The following NR2C1 variants were observed in gnomAD, a reference collection of about 807,000 sequenced individuals.
The protein encoded by NR2C1 is TR2 nuclear hormone receptor.
A neutral mutation model predicts 74.8 loss-of-function variants in NR2C1; 33 were observed. The ratio of observed to expected loss-of-function variants is 0.44; its 90% CI spans 0.33 to 0.59. The LOEUF (loss-of-function observed/expected upper bound fraction) is 0.59, where lower values mean the gene tolerates loss of function less well. Ranked by LOEUF, NR2C1 falls within the 20% of genes least tolerant of loss-of-function variation. NR2C1 has a pLI of 0.02. For missense variants in NR2C1, 568 were observed against 715.6 expected, an observed-to-expected ratio of 0.79 and a Z score of 2.35; for synonymous variants, 225 against 240.6, an observed-to-expected ratio of 0.94 and a Z score of 0.60.
chr12:95,064,982 A>G (rs1296766057), intron 2 of NR2C1, among the ~76,000 whole-genome samples: 1 of 152,234 alleles, frequency 6.6e-6, no homozygotes, highest in Non-Finnish European at 1.5e-5. Flanking sequence ...AGAGAAGAGC[A>G]TTTGGCGCAT....
intron 3 of NR2C1, among the ~76,000 whole-genome samples, 167 bp downstream of exon 3, chr12:95,062,341 A>C (rs573112888): frequency 8.5e-5 from 13 of 152,360 alleles, no homozygotes; most frequent in African/African-American, 3.1e-4. Flanking sequence ...AGGAAAGTAC[A>C]GTGGCCCATA....
chr12:95,023,682 T>G (rs1363918053), intron 13 of NR2C1, among the ~76,000 whole-genome samples: 1 of 152,138 alleles, frequency 6.6e-6, no homozygotes, highest in East Asian at 1.9e-4. Flanking sequence ...GGTAGTGAGG[T>G]TTCTTAGGGT....
chr12:95,053,816 TGGG>T (rs1873418104), intron 7 of NR2C1, among the ~76,000 whole-genome samples: 1 of 151,710 alleles, frequency 6.6e-6, no homozygotes, highest in East Asian at 2.0e-4. Flanking sequence ...CCTGAGGAGC[TGGG>T]ACTACAGGCG....
intron 5 of NR2C1, 52 bp from the exon 6 acceptor site, chr12:95,057,930 TA>T: frequency 6.6e-7 from 1 of 1,505,250 alleles, no homozygotes. Flanking sequence ...TACAGACAAT[TA>T]GAAATGTAAG....
intron 10 of NR2C1, among the ~76,000 whole-genome samples, chr12:95,032,224 G>T (rs186500150): frequency 6.6e-6 from 1 of 152,310 alleles, no homozygotes; most frequent in East Asian, 1.9e-4. Context: ...ATGGTTCATT[G>T]TATGTTTCAG....
In NR2C1 at chr12:95,049,140, G is replaced by C; in HGVS notation, c.1059C>G (p.Ile353Met). ...VAGMEGSVHLITGDSSINYTE... is the reference protein window; with the variant it reads ...VAGMEGSVHLMTGDSSINYTE... ...TGTAATTTATGCTTGAATCTCCAGT[G>C]ATTAGGTGTACACTTCCTTCCATGC... Residue 353 changes from isoleucine (I) to methionine (M), a missense_variant, in exon 9 of 14, where the codon ATC (isoleucine) becomes ATG (methionine). Physicochemically the swap from Ile to Met is conservative, Grantham distance 10 (BLOSUM62 1). Coordinates refer to ENST00000333003, the MANE Select transcript of NR2C1 (RefSeq NM_003297.4). 1 of 1,613,946 alleles carries C rather than the reference G, an allele frequency of 6.2e-7. No individual in the cohort carries two copies. The highest frequency in any genetic ancestry group is 1.1e-5 in the South Asian group (1 of 91,076).
intron 10 of NR2C1, among the ~76,000 whole-genome samples, chr12:95,035,057 A>G (rs1204744276): frequency 6.6e-6 from 1 of 152,230 alleles, no homozygotes; most frequent in Non-Finnish European, 1.5e-5. Flanking sequence ...TCTACTAATA[A>G]GGAATGAATA....
chr12:95,026,184 G>A (rs1306380427), intron 12 of NR2C1, among the ~76,000 whole-genome samples: 1 of 150,394 alleles, frequency 6.6e-6, no homozygotes, highest in Non-Finnish European at 1.5e-5. Flanking sequence ...TCCAGCCTGG[G>A]CAACAGAGTG....
chr12:95,067,466 TATG>T lies in NR2C1; in HGVS notation c.-7-78_-7-76del, dbSNP rs200022993. ...ATTAAATAATTTACAAATAAAACTATATGATATTTAAGATTTGCTTCAAAATAA... is the reference window on the plus strand; with the variant it reads ...ATTAAATAATTTACAAATAAAACTATATATTTAAGATTTGCTTCAAAATAA... On this transcript the variant is annotated intron_variant, in intron 1 of 13. Transcript: ENST00000333003. The T allele has an allele frequency of 4.5e-4, 500 of 1,123,188 alleles. 2 individuals carry two copies. In the East Asian group the frequency reaches 0.012, roughly 28 times the overall value. The allele number at this position is 1,123,188 out of a possible 1,614,324, so 69.6% of individuals were successfully genotyped here. A position where few individuals can be genotyped will look rare whatever the true frequency, so the allele number is the denominator to read the frequency against.
At chr12:95,052,857 TTAAA>T (rs1337678070) in intron 7 of NR2C1, among the ~76,000 whole-genome samples, 2 of 152,230 alleles carry the variant, frequency 1.3e-5, no homozygotes, top group Non-Finnish European at 2.9e-5. Context: ...ATTGTGTTAA[TTAAA>T]TGTGTTAAAA....
intron 1 of NR2C1, among the ~76,000 whole-genome samples, chr12:95,070,711 A>G (rs899838138): frequency 6.6e-6 from 1 of 152,144 alleles, no homozygotes; most frequent in African/African-American, 2.4e-5. Flanking sequence ...GTATTCATTC[A>G]ATATTTATTA....
intron 1 of NR2C1, among the ~76,000 whole-genome samples, chr12:95,068,465 C>G (rs1358153802): frequency 6.6e-6 from 1 of 152,078 alleles, no homozygotes; most frequent in African/African-American, 2.4e-5. Context: ...TCTAGGTAGG[C>G]AAATAAAACT....
chr12:95,059,028 G>A (rs1049246814), intron 4 of NR2C1, among the ~76,000 whole-genome samples: 3 of 152,114 alleles, frequency 2.0e-5, no homozygotes, highest in African/African-American at 2.4e-5. Context: ...ACAGCTGGGC[G>A]TGGTAACTCA....
intron 11 of NR2C1, chr12:95,030,640 T>G: frequency 6.2e-7 from 1 of 1,611,876 alleles, no homozygotes; most frequent in South Asian, 1.1e-5. Flanking sequence ...CTGTTAAACA[T>G]AAGGAGGAAG....
Position 95,040,568 on chromosome 12 carries a change from G to A in NR2C1, c.1161C>T (p.Tyr387=), listed in dbSNP as rs1871397966. ...ACTCCCCAATGTAGTGCACATTCAGGTACTCAGGCATAGGAGAAGGCATGG... is the reference window on the plus strand; with the variant it reads ...ACTCCCCAATGTAGTGCACATTCAGATACTCAGGCATAGGAGAAGGCATGG... ...RLTMPSPMPE[Y]LNVHYIGESA... The change falls in exon 10 of 14, where the codon TAC becomes TAT. Residue 387 remains tyrosine, a synonymous_variant. Transcript: ENST00000333003. 1 of 1,613,370 alleles carries A rather than the reference G, an allele frequency of 6.2e-7. No individual in the cohort carries two copies. Among genetic ancestry groups the A allele is most frequent in the Non-Finnish European group, 8.5e-7 (1 of 1,179,486 alleles).
chr12:95,056,495 T>C (rs773199056), intron 7 of NR2C1, among the ~76,000 whole-genome samples: 3 of 152,248 alleles, frequency 2.0e-5, no homozygotes, highest in Admixed American at 1.3e-4. Flanking sequence ...CTTGGATACA[T>C]AAAAGGAGAG....
At chr12:95,028,578 C>G (rs1313359741) in intron 11 of NR2C1, 54 bp from the exon 12 acceptor site, 1 of 1,225,414 alleles carries the variant, frequency 8.2e-7, no homozygotes, top group East Asian at 2.3e-5. Context: ...TGAACAACTA[C>G]TTTCATCCAA....
At chr12:95,032,056 C>T (rs1406465867) in intron 10 of NR2C1, among the ~76,000 whole-genome samples, 2 of 152,120 alleles carry the variant, frequency 1.3e-5, no homozygotes, top group Non-Finnish European at 2.9e-5. Context: ...TTAGTAGAGA[C>T]AAGGTTTTGC....
At position 95,049,935 on chromosome 12, in the gene NR2C1, G is replaced by T. The variant is rs79232996; in HGVS notation, c.966-702C>A. Among the ~76,000 whole-genome samples, 689 of 152,186 alleles carry T rather than the reference G, an allele frequency of 4.5e-3. 6 individuals carry two copies. The highest frequency in any genetic ancestry group is 0.016 in the African/African-American group (652 of 41,518). On this transcript the variant is annotated intron_variant, in intron 8 of 13. Coordinates refer to ENST00000333003, the MANE Select transcript of NR2C1 (RefSeq NM_003297.4). The stretch of plus-strand genomic sequence containing the variant: ...CCACCTCAACCTCCCGAGCAGCTGG[G>T]ACTACATGTGCGCACCACCATGCTC...
Sources: gnomAD v4.1 joint callset for allele counts (sites outside exome capture counted in the v4.1 genomes callset) on GRCh38, gnomAD v4.1.1 for gene constraint, MANE v1.5 for transcripts, NCBI Gene and HGNC (gene_info 2026-07-23, HGNC 2026-07-21) for gene names.